CSMD2: variants seen among roughly 807,000 people sequenced by gnomAD.
The protein encoded by CSMD2 is CUB and sushi domain-containing protein 2.
In CSMD2, 130 loss-of-function variants were observed where a neutral mutation model predicts 398.5. That is an observed-to-expected ratio of 0.33 (90% CI 0.28 to 0.38). The LOEUF (loss-of-function observed/expected upper bound fraction) is 0.38, where lower values mean the gene tolerates loss of function less well. Ranked by LOEUF, CSMD2 falls within the 10% of genes least tolerant of loss-of-function variation. CSMD2 has a pLI of 1.00. For synonymous variants in CSMD2, 1,828 were observed against 1,908.5 expected (o/e 0.96, Z 1.10); for missense variants, 3,829 against 4,764.9 (o/e 0.80, Z 5.78).
chr1:33,582,331 G>A (rs1290108641), intron 47 of CSMD2, among the ~76,000 whole-genome samples: 2 of 152,180 alleles, frequency 1.3e-5, no homozygotes, highest in African/African-American at 4.8e-5. Flanking sequence ...GTTCCTAAGG[G>A]CAAGGTAAAT....
rs757320410 is a variant in CSMD2 at position 33,716,530 on chromosome 1, T to C, written c.3002-29A>G. On this transcript the variant is annotated intron_variant, in intron 19 of 70. Coordinates refer to ENST00000373381, the MANE Select transcript of CSMD2 (RefSeq NM_001281956.2). Reference sequence around the variant, plus strand: ...CCAAGAGACCAGAGGGTCAGGTTGTTGATGGCGAGATGGCTGGAGAACCTC... The same window carrying C: ...CCAAGAGACCAGAGGGTCAGGTTGTCGATGGCGAGATGGCTGGAGAACCTC... 1.5e-5 allele frequency: 24 copies of C among 1,556,778 alleles called. No homozygotes were observed. The Admixed American group carries it at 3.8e-4, about 25-fold the overall frequency.
intron 3 of CSMD2, among the ~76,000 whole-genome samples, chr1:33,962,467 G>T (rs1014642466): frequency 3.9e-5 from 6 of 152,126 alleles, no homozygotes; most frequent in Non-Finnish European, 7.4e-5. Context: ...TTCTCATAGG[G>T]GATTTGAAGC....
At chr1:33,813,772 CCTGTTCCATG>C (rs1297158459) in intron 9 of CSMD2, among the ~76,000 whole-genome samples, 3 of 152,180 alleles carry the variant, frequency 2.0e-5, no homozygotes, top group African/African-American at 7.2e-5. Flanking sequence ...TGATTCCCAT[CCTGTTCCATG>C]CTGCCTTCCC....
intron 29 of CSMD2, among the ~76,000 whole-genome samples, chr1:33,646,371 T>A (rs1643426078): frequency 6.6e-6 from 1 of 152,096 alleles, no homozygotes; most frequent in South Asian, 2.1e-4. Context: ...GGAATGACCC[T>A]CATAGAAAAA....
At chr1:34,034,743 C>A (rs909486912) in intron 2 of CSMD2, among the ~76,000 whole-genome samples, 2 of 151,980 alleles carry the variant, frequency 1.3e-5, no homozygotes, top group African/African-American at 4.8e-5. Flanking sequence ...ACCCCAGAGG[C>A]CTTAAAGGAA....
At chr1:33,792,579 CA>C (rs1654459245) in intron 10 of CSMD2, 53 bp from the exon 11 acceptor site, 2 of 1,254,068 alleles carry the variant, frequency 1.6e-6, no homozygotes, top group Non-Finnish European at 2.3e-6. Context: ...GGAAGCCTTC[CA>C]AAGCCTTGAG....
intron 10 of CSMD2, among the ~76,000 whole-genome samples, chr1:33,793,079 G>C (rs904071822): frequency 6.6e-6 from 1 of 152,224 alleles, no homozygotes; most frequent in Non-Finnish European, 1.5e-5. Flanking sequence ...CCATATGCCA[G>C]GCTGGGCGGT....
chr1:33,517,509 A>G (rs1653872700), intron 70 of CSMD2, among the ~76,000 whole-genome samples: 1 of 152,232 alleles, frequency 6.6e-6, no homozygotes, highest in Non-Finnish European at 1.5e-5. Flanking sequence ...ATCACTGATC[A>G]TCTCCAAGCC....
chr1:33,533,575 T>A lies in CSMD2; in HGVS notation c.9991+221A>T, dbSNP rs1451791921. On this transcript the variant is annotated intron_variant, in intron 63 of 70. Coordinates refer to ENST00000373381, the MANE Select transcript of CSMD2 (RefSeq NM_001281956.2). The surrounding 1 kb of genome is among the most constrained non-coding windows in gnomAD (Gnocchi z 4.2). ...AGTTTTTGCTGCTGCCACTGGATAG[T>A]TTTTTCTTTGCTAAGGCATAGGGAT... Among the ~76,000 whole-genome samples the A allele has an allele frequency of 1.7e-5, 1 of 60,164 alleles. No homozygotes were observed. Among genetic ancestry groups the A allele is most frequent in the Non-Finnish European group, 3.7e-5 (1 of 26,944 alleles). 39.5% of individuals were successfully genotyped at this position (60,164 alleles called of 152,430 possible).
At chr1:33,823,344 G>A (rs1010461330) in intron 7 of CSMD2, among the ~76,000 whole-genome samples, 16 of 152,036 alleles carry the variant, frequency 1.1e-4, no homozygotes, top group Admixed American at 9.2e-4. Context: ...AAATCTCAGC[G>A]ATCAGTTTAC....
chr1:33,802,438 A>G (rs1212147517), intron 10 of CSMD2, among the ~76,000 whole-genome samples: 3 of 152,166 alleles, frequency 2.0e-5, no homozygotes, highest in African/African-American at 7.2e-5. Flanking sequence ...TGGTGTCTTG[A>G]TGTAGGTTCT....
In CSMD2 at chr1:33,577,389, C is replaced by G. The variant is rs1024667014; in HGVS notation, c.7483G>C (p.Ala2495Pro). 1 of 1,614,150 alleles carries G rather than the reference C, an allele frequency of 6.2e-7. No homozygotes were observed. The highest frequency in any genetic ancestry group is 8.5e-7 in the Non-Finnish European group (1 of 1,180,016). ...CTGTGTCCCACCAGGCGGTAGCCGG[C>G]GTTGCAGCCAAAGTGGATGGAGCCC... Reference protein sequence around the residue: ...PGGSIHFGCNAGYRLVGHSMA... With the variant: ...PGGSIHFGCNPGYRLVGHSMA... Residue 2495 changes from alanine to proline, a missense_variant, in exon 49 of 71, where the codon GCC (alanine) becomes CCC (proline). Transcript: ENST00000373381.
chr1:33,786,463 T>C (rs994730966), intron 12 of CSMD2, among the ~76,000 whole-genome samples: 5 of 152,216 alleles, frequency 3.3e-5, no homozygotes, highest in Non-Finnish European at 7.3e-5. Flanking sequence ...GCTCCTCTCA[T>C]AGCCCCACAG....
intron 11 of CSMD2, among the ~76,000 whole-genome samples, chr1:33,790,805 CT>C (rs1654192831): frequency 1.1e-5 from 1 of 87,292 alleles, no homozygotes; most frequent in East Asian, 4.0e-4. Context: ...TCTCTAATAT[CT>C]ATCTATCTAT....
intron 44 of CSMD2, among the ~76,000 whole-genome samples, chr1:33,597,261 T>A (rs1639904305): frequency 6.6e-6 from 1 of 152,212 alleles, no homozygotes; most frequent in Non-Finnish European, 1.5e-5. Context: ...TTTTTGCAAG[T>A]CTAGCTCCTT....
intron 1 of CSMD2, among the ~76,000 whole-genome samples, chr1:34,092,650 C>G (rs79168250): frequency 3.2e-4 from 49 of 152,250 alleles, no homozygotes; most frequent in African/African-American, 9.6e-4. Flanking sequence ...GGGTGACGGA[C>G]GGCACCTGGA....
chr1:33,538,390 T>A (rs939525735), intron 60 of CSMD2, among the ~76,000 whole-genome samples: 1 of 152,174 alleles, frequency 6.6e-6, no homozygotes, highest in Non-Finnish European at 1.5e-5. Flanking sequence ...GCAGTGCCAT[T>A]AAAAATTGAC....
At chr1:33,517,487 T>A (rs941998609) in intron 70 of CSMD2, among the ~76,000 whole-genome samples, 2 of 152,250 alleles carry the variant, frequency 1.3e-5, no homozygotes, top group Non-Finnish European at 2.9e-5. Context: ...ATTCATGCAG[T>A]GAATCAGATT....
At chr1:33,590,634 C>CACACACACAT (rs1365095041) in intron 44 of CSMD2, among the ~76,000 whole-genome samples, 5 of 148,190 alleles carry the variant, frequency 3.4e-5, no homozygotes, top group African/African-American at 1.2e-4. Context: ...CACACACACA[C>CACACACACAT]ATATACTCTT....
Sources: gnomAD v4.1 joint callset for allele counts (sites outside exome capture counted in the v4.1 genomes callset) on GRCh38, gnomAD v4.1.1 for gene constraint, Gnocchi (gnomAD v3.1) non-coding constraint, MANE v1.5 for transcripts, NCBI Gene and HGNC (gene_info 2026-07-23, HGNC 2026-07-21) for gene names.